Variants in PCSK2 observed in about 807,000 individuals in gnomAD.
PCSK2 encodes neuroendocrine convertase 2.
In PCSK2, 14 loss-of-function variants were observed where a neutral mutation model predicts 69.7. The observed-to-expected ratio is 0.20, with a 90% CI of 0.13 to 0.31. PCSK2 has a LOEUF of 0.31. Ranked by LOEUF, PCSK2 falls within the 10% of genes least tolerant of loss-of-function variation. PCSK2 has a pLI of 1.00. For synonymous variants in PCSK2, 307 were observed against 320.7 expected (o/e 0.96, Z 0.46); for missense variants, 544 against 842.5 (o/e 0.65, Z 4.39).
intron 2 of PCSK2, among the ~76,000 whole-genome samples, chr20:17,340,076 A>T (rs999241995): frequency 2.6e-5 from 4 of 152,212 alleles, no homozygotes; most frequent in African/African-American, 9.6e-5. Context: ...AAATGCTGGC[A>T]TCACTAAGAA....
At chr20:17,356,612 T>G (rs1368762334) in intron 2 of PCSK2, among the ~76,000 whole-genome samples, 1 of 152,274 alleles carries the variant, frequency 6.6e-6, no homozygotes, top group East Asian at 1.9e-4. Context: ...TCATCTGGTA[T>G]CCATTAGAGT....
chr20:17,380,202 A>T (rs1004970779), intron 5 of PCSK2, among the ~76,000 whole-genome samples: 3 of 152,218 alleles, frequency 2.0e-5, no homozygotes, highest in African/African-American at 7.2e-5. Context: ...ATACAGCAAT[A>T]AAAAAACTAA....
intron 8 of PCSK2, among the ~76,000 whole-genome samples, chr20:17,441,369 G>C (rs933200233): frequency 1.2e-4 from 19 of 152,316 alleles, no homozygotes; most frequent in African/African-American, 4.1e-4. Context: ...GACATCAAAG[G>C]GTAGTTGTCT....
chr20:17,265,923 A>G (rs1050294730), intron 2 of PCSK2, among the ~76,000 whole-genome samples: 8 of 152,224 alleles, frequency 5.3e-5, no homozygotes, highest in Non-Finnish European at 1.0e-4. Context: ...AACTGATAGG[A>G]AGAAAATAAA....
chr20:17,383,635 G>T (rs2031150016), intron 5 of PCSK2, among the ~76,000 whole-genome samples: 1 of 151,430 alleles, frequency 6.6e-6, no homozygotes, highest in African/African-American at 2.4e-5. Flanking sequence ...GTATCAAAAA[G>T]ATTTTGAAAA....
At chr20:17,251,568 C>T (rs189598566) in intron 1 of PCSK2, among the ~76,000 whole-genome samples, 2 of 152,308 alleles carry the variant, frequency 1.3e-5, no homozygotes, top group Admixed American at 6.5e-5. Flanking sequence ...TGCTCCAAGA[C>T]GGTGTCATCA....
At chr20:17,243,306 T>A (rs1399731707) in intron 1 of PCSK2, among the ~76,000 whole-genome samples, 2 of 152,142 alleles carry the variant, frequency 1.3e-5, no homozygotes, top group Admixed American at 1.3e-4. Flanking sequence ...GCTCTAGTGA[T>A]CCTCTCACCT....
At position 17,317,865 on chromosome 20, in the gene PCSK2, G is replaced by A. The variant is rs142899469; in HGVS notation, c.283-40462G>A. On this transcript the variant is annotated intron_variant, in intron 2 of 11. Coordinates refer to ENST00000262545, the MANE Select transcript of PCSK2 (RefSeq NM_002594.5). ...TAATTTTTTAAAAAAAGATGTAGACGCAGGAAGGACAATTATGGAATGGCT... is the reference window on the plus strand; with the variant it reads ...TAATTTTTTAAAAAAAGATGTAGACACAGGAAGGACAATTATGGAATGGCT... Among the ~76,000 whole-genome samples the A allele has an allele frequency of 3.4e-4, 52 of 152,296 alleles. No homozygotes were observed. The East Asian group carries it at 6.9e-3, about 20-fold the overall frequency.
chr20:17,399,679 C>G (rs142486811), intron 5 of PCSK2, among the ~76,000 whole-genome samples: 1 of 152,084 alleles, frequency 6.6e-6, no homozygotes, highest in African/African-American at 2.4e-5. Flanking sequence ...TCCTGCCGTG[C>G]GATGCCATGT....
chr20:17,237,274 T>C (rs557314067), intron 1 of PCSK2, among the ~76,000 whole-genome samples: 2 of 152,250 alleles, frequency 1.3e-5, no homozygotes, highest in Admixed American at 1.3e-4. Context: ...TGGAAGTGAA[T>C]TATCAAAGTA....
At chr20:17,313,851 G>A (rs1015747648) in intron 2 of PCSK2, among the ~76,000 whole-genome samples, 1 of 152,162 alleles carries the variant, frequency 6.6e-6, no homozygotes, top group African/African-American at 2.4e-5. Flanking sequence ...AAACCCATTT[G>A]AAGAACAGTT....
intron 2 of PCSK2, among the ~76,000 whole-genome samples, chr20:17,345,870 G>T (rs1178736618): frequency 6.6e-6 from 1 of 152,176 alleles, no homozygotes; most frequent in East Asian, 1.9e-4. Context: ...GAGCAGCTGG[G>T]GCTGGGGTAC....
chr20:17,236,280 T>C (rs1278310173), intron 1 of PCSK2, among the ~76,000 whole-genome samples: 1 of 152,154 alleles, frequency 6.6e-6, no homozygotes, highest in Non-Finnish European at 1.5e-5. Context: ...ATAAATATGC[T>C]ATACAAAGGA....
intron 2 of PCSK2, among the ~76,000 whole-genome samples, chr20:17,325,361 G>C (rs1393258962): frequency 6.6e-6 from 1 of 152,180 alleles, no homozygotes; most frequent in African/African-American, 2.4e-5. Context: ...AATAGCAAAA[G>C]ACATTGTCCT....
chr20:17,457,367 T>C (rs2032940931), intron 10 of PCSK2, among the ~76,000 whole-genome samples: 1 of 152,152 alleles, frequency 6.6e-6, no homozygotes, highest in Non-Finnish European at 1.5e-5. Context: ...GGCAGTGCAT[T>C]TTCTGATTTG....
chr20:17,474,340 G>A (rs921348848), intron 11 of PCSK2, among the ~76,000 whole-genome samples: 1 of 152,186 alleles, frequency 6.6e-6, no homozygotes, highest in Non-Finnish European at 1.5e-5. Flanking sequence ...TGACCCCCAG[G>A]CACACCCCAG....
At chr20:17,352,407 A>T (rs931424363) in intron 2 of PCSK2, among the ~76,000 whole-genome samples, 1 of 152,240 alleles carries the variant, frequency 6.6e-6, no homozygotes, top group African/African-American at 2.4e-5. Flanking sequence ...CCTAAGCAAA[A>T]AGAACAAAGC....
intron 2 of PCSK2, among the ~76,000 whole-genome samples, chr20:17,268,033 G>GTGTATATATATATATATATA (rs1555783164): frequency 3.0e-5 from 2 of 66,322 alleles, no homozygotes; most frequent in Non-Finnish European, 5.9e-5. Flanking sequence ...TATCCAATGT[G>GTGTATATATATATATATATA]TATATATATA....
intron 5 of PCSK2, among the ~76,000 whole-genome samples, chr20:17,391,950 G>GGAAGGAAGGAAGGA (rs1568630729): frequency 1.8e-4 from 4 of 22,276 alleles, no homozygotes; most frequent in Non-Finnish European, 4.1e-4. Context: ...GGAAGGAAGG[G>GGAAGGAAGGAAGGA]GAAGGGAAAG....
Sources: gnomAD v4.1 joint callset for allele counts (sites outside exome capture counted in the v4.1 genomes callset) on GRCh38, gnomAD v4.1.1 for gene constraint, MANE v1.5 for transcripts, NCBI Gene and HGNC (gene_info 2026-07-23, HGNC 2026-07-21) for gene names.